Variants in PSD3 observed in about 807,000 individuals in gnomAD.
PSD3 encodes PH and SEC7 domain-containing protein 3.
In PSD3, 49 loss-of-function variants were observed where a neutral mutation model predicts 105.5. That is an observed-to-expected ratio of 0.46 (90% confidence interval 0.37 to 0.59). PSD3 has a LOEUF of 0.59. Among genes scored for constraint, PSD3 ranks in the 20% least tolerant of loss-of-function variants. PSD3 has a pLI of 0.00. For missense variants in PSD3, 1,561 were observed against 1,263.8 expected, an observed-to-expected ratio of 1.24 and a Z score of -3.57; for synonymous variants, 557 against 457.8, an observed-to-expected ratio of 1.22 and a Z score of -2.77.
chr8:18,867,854 C>G lies in PSD3; in HGVS notation c.1454G>C (p.Arg485Pro), dbSNP rs573668110. ...EMPLTPMIQQ[R>P]IKEGGQFLER... ...CAAGAACTGACCACCTTCTTTAATG[C>G]GCTGTTGTATCATTGGAGTGAGGGG... is the stretch of plus-strand genomic sequence containing the variant. Residue 485 changes from arginine to proline, a missense_variant, in exon 4 of 16, where the codon CGC becomes CCC. Transcript: ENST00000327040. The G allele has an allele frequency of 1.4e-5, 23 of 1,614,008 alleles. No homozygotes were observed. The highest frequency in any genetic ancestry group is 1.9e-5 in the Non-Finnish European group (23 of 1,180,012).
At chr8:18,588,472 C>A (rs182997299) in intron 12 of PSD3, among the ~76,000 whole-genome samples, 1 of 152,190 alleles carries the variant, frequency 6.6e-6, no homozygotes, top group Non-Finnish European at 1.5e-5. Flanking sequence ...CAGGCTTATT[C>A]TCATTGTAAG....
At chr8:18,547,793 ATT>A (rs1485394952) in intron 15 of PSD3, among the ~76,000 whole-genome samples, 4 of 152,124 alleles carry the variant, frequency 2.6e-5, no homozygotes, top group Non-Finnish European at 5.9e-5. Flanking sequence ...GTGGAACCTG[ATT>A]GGAGGTCTTT....
chr8:18,889,304 C>T (rs1421976668), intron 2 of PSD3, among the ~76,000 whole-genome samples: 4 of 152,146 alleles, frequency 2.6e-5, no homozygotes, highest in African/African-American at 9.7e-5. Context: ...GTTCTTGATA[C>T]TCCCGTATTT....
At chr8:18,900,108 G>C (rs899380078) in intron 2 of PSD3, among the ~76,000 whole-genome samples, 1 of 152,084 alleles carries the variant, frequency 6.6e-6, no homozygotes, top group Admixed American at 6.6e-5. Flanking sequence ...TTGGCTGTCT[G>C]CTGCTTCTCC....
intron 8 of PSD3, among the ~76,000 whole-genome samples, chr8:18,769,161 T>C (rs1343663212): frequency 1.3e-5 from 2 of 152,222 alleles, no homozygotes; most frequent in East Asian, 3.8e-4. Context: ...TTTTTAGATA[T>C]GTTCTGGGGA....
chr8:18,554,185 T>C (rs188476833), intron 15 of PSD3, among the ~76,000 whole-genome samples: 29 of 152,280 alleles, frequency 1.9e-4, no homozygotes, highest in Admixed American at 2.6e-4. Flanking sequence ...CATCAAGGGC[T>C]CCAGCGAGGT....
At chr8:19,002,183 C>T (rs577001496) in intron 1 of PSD3, among the ~76,000 whole-genome samples, 7 of 152,150 alleles carry the variant, frequency 4.6e-5, no homozygotes, top group Non-Finnish European at 8.8e-5. Context: ...CAGAAAGTGA[C>T]TTTGAGAGGT....
At chr8:18,840,413 C>G (rs1814523072) in intron 4 of PSD3, among the ~76,000 whole-genome samples, 1 of 152,178 alleles carries the variant, frequency 6.6e-6, no homozygotes, top group Non-Finnish European at 1.5e-5. Flanking sequence ...TCTACTCAAG[C>G]TGAGAAAAAC....
At chr8:18,575,557 T>C (rs1019435282) in intron 12 of PSD3, among the ~76,000 whole-genome samples, 1 of 152,144 alleles carries the variant, frequency 6.6e-6, no homozygotes, top group Non-Finnish European at 1.5e-5. Context: ...TTGAGGTAAA[T>C]AGCTAAGTAA....
At chr8:18,614,785 T>G (rs760066639) in intron 11 of PSD3, among the ~76,000 whole-genome samples, 2 of 145,164 alleles carry the variant, frequency 1.4e-5, no homozygotes, top group South Asian at 2.2e-4. Context: ...TGCACCATCA[T>G]GCCTGGCTAA....
rs6994156 is a variant in PSD3 at position 18,594,782 on chromosome 8, T to C, written c.2481+5582A>G. On this transcript the variant is annotated intron_variant, in intron 12 of 15. Transcript: ENST00000327040. ...TACACGTTTTACATCATCTCTAGAT[T>C]ACTCATGATACCTAATAAAAGGCCT... Among the ~76,000 whole-genome samples, 981 of 152,166 alleles carry C rather than the reference T, an allele frequency of 6.4e-3. 12 individuals are homozygous for C. Among genetic ancestry groups the C allele is most frequent in the African/African-American group, 0.022 (926 of 41,534 alleles).
Position 18,871,684 on chromosome 8 carries a change from G to T in PSD3, c.1180C>A (p.Leu394Ile), listed in dbSNP as rs1445104893. Residue 394 changes from leucine (L) to isoleucine (I), a missense_variant, in exon 3 of 16, where the codon CTA becomes ATA. Physicochemically the swap from Leu to Ile is conservative, Grantham distance 5 (BLOSUM62 2). Coordinates refer to ENST00000327040, the MANE Select transcript of PSD3 (RefSeq NM_015310.4). ...LDESGEDEVFLQENKQHLEKT... is the reference protein window; with the variant it reads ...LDESGEDEVFIQENKQHLEKT... ...TCAAGATGCTGTTTGTTTTCCTGTA[G>T]GAAGACTTCATCCTCTCCACTCTCA... is the stretch of plus-strand genomic sequence containing the variant. 3 of 1,613,758 alleles carry T rather than the reference G, an allele frequency of 1.9e-6. No homozygotes were observed. Among genetic ancestry groups the T allele is most frequent in the African/African-American group, 1.3e-5 (1 of 75,018 alleles).
At chr8:18,559,333 A>G (rs1801257316) in intron 14 of PSD3, among the ~76,000 whole-genome samples, 1 of 152,216 alleles carries the variant, frequency 6.6e-6, no homozygotes, top group Admixed American at 6.5e-5. Flanking sequence ...ATGATAAGCC[A>G]CTGTGATTTG....
At chr8:18,968,473 G>T (rs540305913) in intron 1 of PSD3, among the ~76,000 whole-genome samples, 1 of 152,140 alleles carries the variant, frequency 6.6e-6, no homozygotes, top group Non-Finnish European at 1.5e-5. Context: ...AAGAACCTTC[G>T]ACGCCAGTTT....
intron 2 of PSD3, among the ~76,000 whole-genome samples, chr8:18,912,622 T>G (rs1345633422): frequency 6.6e-6 from 1 of 152,202 alleles, no homozygotes. Context: ...AGGATTCTCC[T>G]AAAAGAAATG....
At chr8:18,648,022 C>T (rs1185099872) in intron 10 of PSD3, among the ~76,000 whole-genome samples, 1 of 152,186 alleles carries the variant, frequency 6.6e-6, no homozygotes, top group African/African-American at 2.4e-5. Flanking sequence ...GAACCATCAG[C>T]CAATTAAACT....
chr8:18,660,979 G>C (rs185768073), intron 9 of PSD3, among the ~76,000 whole-genome samples: 1 of 152,290 alleles, frequency 6.6e-6, no homozygotes, highest in Non-Finnish European at 1.5e-5. Context: ...ACTTTTGGTT[G>C]CTTCTCAGAG....
At chr8:18,689,953 A>G (rs1800882679) in intron 9 of PSD3, among the ~76,000 whole-genome samples, 1 of 152,124 alleles carries the variant, frequency 6.6e-6, no homozygotes, top group African/African-American at 2.4e-5. Flanking sequence ...GAAGTGACCA[A>G]ACTGAGACTT....
intron 1 of PSD3, among the ~76,000 whole-genome samples, chr8:18,963,072 G>T (rs1824021195): frequency 1.3e-5 from 2 of 152,326 alleles, no homozygotes; most frequent in Non-Finnish European, 1.5e-5. Context: ...GGAGGCGAAA[G>T]GCACTTCTTA....
Sources: gnomAD v4.1 joint callset for allele counts (sites outside exome capture counted in the v4.1 genomes callset) on GRCh38, gnomAD v4.1.1 for gene constraint, MANE v1.5 for transcripts, NCBI Gene and HGNC (gene_info 2026-07-23, HGNC 2026-07-21) for gene names.